CTNND2: variants seen among roughly 807,000 people sequenced by gnomAD.
CTNND2 encodes catenin delta-2.
In CTNND2, 22 loss-of-function variants were observed where a neutral mutation model predicts 144.4. That is an observed-to-expected ratio of 0.15 (90% CI 0.11 to 0.22). CTNND2 has a LOEUF of 0.22. CTNND2 is among the 10% of genes least tolerant of loss of function. The pLI, the probability that CTNND2 is intolerant of heterozygous loss-of-function variation, is 1.00. For synonymous variants in CTNND2, 751 were observed against 695.6 expected, an observed-to-expected ratio of 1.08 and a Z score of -1.25; for missense variants, 1,353 against 1,618.8, an observed-to-expected ratio of 0.84 and a Z score of 2.82.
intron 9 of CTNND2, among the ~76,000 whole-genome samples, chr5:11,311,043 C>T (rs1264493954): frequency 6.8e-6 from 1 of 147,152 alleles, no homozygotes; most frequent in Non-Finnish European, 1.5e-5. Flanking sequence ...ACACTCTTAC[C>T]CCACAGGCAC....
chr5:11,871,808 A>G (rs1351556827), intron 1 of CTNND2, among the ~76,000 whole-genome samples: 2 of 152,194 alleles, frequency 1.3e-5, no homozygotes, highest in African/African-American at 2.4e-5. Context: ...AAGAGTTTTC[A>G]CTGTCAAATT....
intron 10 of CTNND2, among the ~76,000 whole-genome samples, chr5:11,222,770 C>T (rs1305740644): frequency 6.6e-6 from 1 of 152,128 alleles, no homozygotes; most frequent in Non-Finnish European, 1.5e-5. Context: ...CACACCACTG[C>T]ACTCCAGCCT....
At chr5:11,504,982 G>A (rs531230157) in intron 3 of CTNND2, among the ~76,000 whole-genome samples, 2 of 152,106 alleles carry the variant, frequency 1.3e-5, no homozygotes, top group East Asian at 3.9e-4. Context: ...AGTCTGAAGA[G>A]CCATTCTCTC....
chr5:11,533,980 G>T (rs1239332228), intron 3 of CTNND2, among the ~76,000 whole-genome samples: 1 of 152,172 alleles, frequency 6.6e-6, no homozygotes, highest in Non-Finnish European at 1.5e-5. Context: ...TTCACAACAT[G>T]CAGGCTTCTG....
chr5:11,312,169 G>C (rs431880), intron 9 of CTNND2, among the ~76,000 whole-genome samples: 80,755 of 103,462 alleles, frequency 0.78, 30,193 homozygotes, highest in Middle Eastern at 0.89. Flanking sequence ...CCCATACACC[G>C]TCATCCCCCA....
At chr5:11,335,125 G>A (rs963812019) in intron 9 of CTNND2, among the ~76,000 whole-genome samples, 2 of 152,056 alleles carry the variant, frequency 1.3e-5, no homozygotes, top group South Asian at 4.1e-4. Flanking sequence ...AGTTATAGTC[G>A]CTGAACATGT....
At chr5:11,492,074 G>A (rs906296166) in intron 3 of CTNND2, among the ~76,000 whole-genome samples, 4 of 152,076 alleles carry the variant, frequency 2.6e-5, no homozygotes, top group African/African-American at 9.7e-5. Flanking sequence ...ATGGAAACCG[G>A]GTATAGCATT....
At chr5:11,390,473 T>G (rs967640694) in intron 6 of CTNND2, among the ~76,000 whole-genome samples, 2 of 152,200 alleles carry the variant, frequency 1.3e-5, no homozygotes, top group Admixed American at 1.3e-4. Flanking sequence ...CCCCCAATGC[T>G]TATATCCAGT....
At chr5:11,365,081 G>A (rs1040264812) in intron 7 of CTNND2, among the ~76,000 whole-genome samples, 191 bp from the exon 8 acceptor site, 9 of 152,194 alleles carry the variant, frequency 5.9e-5, no homozygotes, top group East Asian at 1.9e-4. Context: ...CTGGCTTTGC[G>A]ACCAAACATG....
chr5:11,018,705 C>T (rs1009425510), intron 17 of CTNND2, among the ~76,000 whole-genome samples: 2 of 147,462 alleles, frequency 1.4e-5, no homozygotes, highest in African/African-American at 4.9e-5. Flanking sequence ...AAGGCCCTGA[C>T]TCTTTTTTTT....
At chr5:11,326,038 CAT>C (rs1298950274) in intron 9 of CTNND2, among the ~76,000 whole-genome samples, 7 of 152,186 alleles carry the variant, frequency 4.6e-5, no homozygotes, top group African/African-American at 1.7e-4. Context: ...ATTACACACA[CAT>C]GCGCCACCTC....
At chr5:11,441,893 T>TA (rs1436596948) in intron 3 of CTNND2, among the ~76,000 whole-genome samples, 2 of 152,218 alleles carry the variant, frequency 1.3e-5, no homozygotes, top group Non-Finnish European at 2.9e-5. Flanking sequence ...TTAATTAACT[T>TA]ACGCTTTTTT....
intron 15 of CTNND2, among the ~76,000 whole-genome samples, chr5:11,094,485 T>TA (rs1242967066): frequency 6.7e-6 from 1 of 149,548 alleles, no homozygotes; most frequent in Non-Finnish European, 1.5e-5. Flanking sequence ...TCTTGCTTTT[T>TA]TTTTTTTTTT....
chr5:11,451,107 C>T (rs889686835), intron 3 of CTNND2, among the ~76,000 whole-genome samples: 1 of 151,332 alleles, frequency 6.6e-6, no homozygotes. Flanking sequence ...AAAAATTAAC[C>T]ATATGTCACA....
intron 11 of CTNND2, among the ~76,000 whole-genome samples, chr5:11,186,859 G>A (rs1346889772): frequency 2.0e-5 from 3 of 152,188 alleles, no homozygotes; most frequent in African/African-American, 7.2e-5. Context: ...GACTACACTA[G>A]TACCACAGAC....
rs56327510 is a variant in CTNND2, at chr5:11,374,775, C to CTTTTT, written c.1177+9885_1178-9886dup. Among the ~76,000 whole-genome samples the CTTTTT allele has an allele frequency of 7.2e-4, 72 of 99,408 alleles. 1 individual carries two copies. The highest frequency in any genetic ancestry group is 8.9e-4 in the Non-Finnish European group (43 of 48,520). The allele number at this position is 99,408 out of a possible 152,430, so 65.2% of individuals were successfully genotyped here. A position where few individuals can be genotyped will look rare whatever the true frequency, so the allele number is the denominator to read the frequency against. ...TCCAGAACAAGGTGCTCCCAATCTACTTTTTTTTTTTTTTTTTTTTTTTTT... is the reference window on the plus strand; with the variant it reads ...TCCAGAACAAGGTGCTCCCAATCTACTTTTTTTTTTTTTTTTTTTTTTTTTTTTTT... On this transcript the variant is annotated intron_variant, in intron 7 of 21. Transcript: ENST00000304623.
At chr5:11,391,740 C>T (rs1345648556) in intron 6 of CTNND2, among the ~76,000 whole-genome samples, 1 of 152,126 alleles carries the variant, frequency 6.6e-6, no homozygotes, top group African/African-American at 2.4e-5. Flanking sequence ...TAATATGTAA[C>T]ATAAAAGAAG....
intron 2 of CTNND2, among the ~76,000 whole-genome samples, chr5:11,609,452 A>G (rs937551105): frequency 6.6e-5 from 10 of 152,142 alleles, no homozygotes; most frequent in African/African-American, 1.9e-4. Context: ...AGTGACTCTC[A>G]ATGGACCCTC....
chr5:11,809,678 C>G (rs1420737365), intron 1 of CTNND2, among the ~76,000 whole-genome samples: 3 of 152,162 alleles, frequency 2.0e-5, no homozygotes, highest in African/African-American at 7.2e-5. Context: ...AGGTAAAGCT[C>G]TGTTCTATAC....
Sources: allele counts gnomAD v4.1 joint callset (sites outside exome capture counted in the v4.1 genomes callset), GRCh38; gene constraint gnomAD v4.1.1; transcripts MANE v1.5; gene names NCBI Gene and HGNC (gene_info 2026-07-23, HGNC 2026-07-21).